Variants in TNIK observed in about 807,000 individuals in gnomAD.
The protein encoded by TNIK is TRAF2 and NCK-interacting protein kinase.
Under a neutral mutation model 191.3 loss-of-function variants are expected in TNIK, and 49 were observed. The ratio of observed to expected loss-of-function variants is 0.26; its 90% CI spans 0.20 to 0.32. The LOEUF is 0.32. Ranked by LOEUF, TNIK falls within the 10% of genes least tolerant of loss-of-function variation. TNIK has a pLI of 1.00. For synonymous variants in TNIK, 594 were observed against 600.9 expected, an observed-to-expected ratio of 0.99 and a Z score of 0.17; for missense variants, 1,155 against 1,702.3, an observed-to-expected ratio of 0.68 and a Z score of 5.66.
At chr3:171,256,843 C>T (rs1004088057) in intron 2 of TNIK, among the ~76,000 whole-genome samples, 2 of 152,038 alleles carry the variant, frequency 1.3e-5, no homozygotes, top group Non-Finnish European at 2.9e-5. Context: ...GTAACACTGG[C>T]CCCCCATGAA....
chr3:171,282,701 C>A (rs1027578436), intron 2 of TNIK, among the ~76,000 whole-genome samples: 1 of 152,184 alleles, frequency 6.6e-6, no homozygotes, highest in East Asian at 1.9e-4. Flanking sequence ...AAAGATAAAT[C>A]GAGGTATCTA....
rs34521732 is a variant in TNIK at position 171,139,378 on chromosome 3, GCACACACACA to G, written c.1419+82_1419+91del. 1,685 of 692,942 alleles carry G rather than the reference GCACACACACA, an allele frequency of 2.4e-3. 11 individuals are homozygous for G. Among genetic ancestry groups the G allele is most frequent in the African/African-American group, 0.023 (1,199 of 53,228 alleles). The allele number at this position is 692,942 out of a possible 1,614,324, so 42.9% of individuals were successfully genotyped here. A position where few individuals can be genotyped will look rare whatever the true frequency, so the allele number is the denominator to read the frequency against. ...ATGTTAGAAGGACACACGCACGCGC[GCACACACACA>G]CACACACACACACACACACACACAC... is the stretch of plus-strand genomic sequence containing the variant. On this transcript the variant is annotated intron_variant, in intron 14 of 32. Coordinates refer to ENST00000436636, the MANE Select transcript of TNIK (RefSeq NM_015028.4).
At chr3:171,152,991 T>C (rs1732667969) in intron 12 of TNIK, among the ~76,000 whole-genome samples, 1 of 152,150 alleles carries the variant, frequency 6.6e-6, no homozygotes, top group African/African-American at 2.4e-5. Flanking sequence ...CAGGATGGTC[T>C]TGATCTCCTG....
intron 1 of TNIK, among the ~76,000 whole-genome samples, chr3:171,438,429 A>C (rs1314208044): frequency 6.6e-6 from 1 of 152,238 alleles, no homozygotes; most frequent in African/African-American, 2.4e-5. Flanking sequence ...CTGTCCACTC[A>C]GTTATAGTGG....
intron 1 of TNIK, among the ~76,000 whole-genome samples, chr3:171,426,773 G>A (rs936801518): frequency 6.6e-6 from 1 of 152,006 alleles, no homozygotes; most frequent in African/African-American, 2.4e-5. Flanking sequence ...TCCCGGTAAG[G>A]CCACAGTCTC....
At chr3:171,231,554 T>G (rs1300282860) in intron 2 of TNIK, among the ~76,000 whole-genome samples, 1 of 152,068 alleles carries the variant, frequency 6.6e-6, no homozygotes, top group African/African-American at 2.4e-5. Context: ...CCCCACGCGC[T>G]AGAGCAGGAA....
At chr3:171,324,979 T>C (rs891851094) in intron 2 of TNIK, among the ~76,000 whole-genome samples, 1 of 152,080 alleles carries the variant, frequency 6.6e-6, no homozygotes, top group Non-Finnish European at 1.5e-5. Flanking sequence ...CGGGTGCCTG[T>C]AGTCCCAGCT....
chr3:171,425,825 C>CAA (rs34978608), intron 1 of TNIK, among the ~76,000 whole-genome samples: 2 of 123,840 alleles, frequency 1.6e-5, no homozygotes, highest in South Asian at 2.6e-4. Context: ...GAGACTCTGT[C>CAA]AAAAAAAAAA....
Position 171,071,338 on chromosome 3 carries a change from T to A in TNIK, c.3449-15A>T. The A allele has an allele frequency of 1.3e-6, 2 of 1,530,754 alleles. No homozygotes were observed. The highest frequency in any genetic ancestry group is 1.8e-6 in the Non-Finnish European group (2 of 1,128,928). The allele number at this position is 1,530,754 out of a possible 1,614,324, so 94.8% of individuals were successfully genotyped here. On this transcript the variant is annotated splice_polypyrimidine_tract_variant and intron_variant, in intron 28 of 32. Coordinates refer to ENST00000436636, the MANE Select transcript of TNIK (RefSeq NM_015028.4). ...TTCATATTTAACTGTAATAGAAAAA[T>A]TATGAGTGAAAAAGTACATCAATTT...
chr3:171,222,270 A>G (rs1165129637), intron 3 of TNIK, among the ~76,000 whole-genome samples: 2 of 151,982 alleles, frequency 1.3e-5, no homozygotes, highest in African/African-American at 2.4e-5. Context: ...TTGAATTCCA[A>G]CCCTGCCATT....
chr3:171,244,980 ATTT>A (rs1745433165), intron 2 of TNIK, among the ~76,000 whole-genome samples: 1 of 152,188 alleles, frequency 6.6e-6, no homozygotes, highest in African/African-American at 2.4e-5. Context: ...CATAACTGCT[ATTT>A]TGCATTTAAC....
chr3:171,205,162 A>G (rs1739901243), intron 4 of TNIK, among the ~76,000 whole-genome samples: 1 of 152,178 alleles, frequency 6.6e-6, no homozygotes, highest in Non-Finnish European at 1.5e-5. Flanking sequence ...ATATTCTATG[A>G]CTGTGTTCCC....
At position 171,265,308 on chromosome 3, in the gene TNIK, AC is replaced by A. The variant is rs554116645; in HGVS notation, c.124-37088del. 6.3e-3 allele frequency among the ~76,000 whole-genome samples: 954 copies of A among 152,340 alleles called. 5 individuals carry two copies. Among genetic ancestry groups the A allele is most frequent in the Middle Eastern group, 0.014 (4 of 294 alleles). On this transcript the variant is annotated intron_variant, in intron 2 of 32. Coordinates refer to ENST00000436636, the MANE Select transcript of TNIK (RefSeq NM_015028.4). ...TAGGAGAAAATCTAGAGGAATTGTG[AC>A]TTAGGACCAATTTGGATAGGATTTC...
intron 2 of TNIK, among the ~76,000 whole-genome samples, chr3:171,304,346 A>G (rs564877701): frequency 6.6e-6 from 1 of 152,262 alleles, no homozygotes; most frequent in African/African-American, 2.4e-5. Flanking sequence ...CGATCATTAA[A>G]AAGTCAGGAA....
At chr3:171,205,455 CCACATTTTGTTACCT>C (rs1476919211) in intron 4 of TNIK, among the ~76,000 whole-genome samples, 1 of 152,194 alleles carries the variant, frequency 6.6e-6, no homozygotes, top group African/African-American at 2.4e-5. Context: ...GCTGTAACTT[CCACATTTTGTTACCT>C]GCAGTTAATT....
intron 1 of TNIK, among the ~76,000 whole-genome samples, chr3:171,381,190 T>C (rs1717982527): frequency 6.6e-6 from 1 of 152,172 alleles, no homozygotes; most frequent in South Asian, 2.1e-4. Flanking sequence ...TGTTCAAGGA[T>C]CTAAAAGCTT....
intron 1 of TNIK, among the ~76,000 whole-genome samples, chr3:171,396,599 A>G (rs1014144243): frequency 2.0e-5 from 3 of 152,222 alleles, no homozygotes; most frequent in African/African-American, 7.2e-5. Flanking sequence ...GTGCTAAACC[A>G]ACCTATTCAG....
At chr3:171,242,638 A>G (rs1745126027) in intron 2 of TNIK, among the ~76,000 whole-genome samples, 1 of 152,176 alleles carries the variant, frequency 6.6e-6, no homozygotes, top group African/African-American at 2.4e-5. Flanking sequence ...TATAAGCAAA[A>G]TAACTGAATT....
chr3:171,451,797 A>G (rs1370927476), intron 1 of TNIK, among the ~76,000 whole-genome samples: 2 of 152,160 alleles, frequency 1.3e-5, no homozygotes, highest in African/African-American at 4.8e-5. Context: ...GCACCCAATA[A>G]TCAGGTACTG....
Sources: allele counts gnomAD v4.1 joint callset (sites outside exome capture counted in the v4.1 genomes callset), GRCh38; gene constraint gnomAD v4.1.1; transcripts MANE v1.5; gene names NCBI Gene and HGNC (gene_info 2026-07-23, HGNC 2026-07-21).